STX1A: variants seen among roughly 807,000 people sequenced by gnomAD.
The protein encoded by STX1A is syntaxin 1A.
A neutral mutation model predicts 37.8 loss-of-function variants in STX1A; 4 were observed. The ratio of observed to expected loss-of-function variants is 0.11; its 90% CI spans 0.05 to 0.24. The LOEUF (loss-of-function observed/expected upper bound fraction) is 0.24. Ranked by LOEUF, STX1A falls within the 10% of genes least tolerant of loss-of-function variation. STX1A has a pLI of 1.00. For synonymous variants in STX1A, 135 were observed against 147.4 expected, an observed-to-expected ratio of 0.92 and a Z score of 0.61; for missense variants, 251 against 399.9, an observed-to-expected ratio of 0.63 and a Z score of 3.18.
At chr7:73,704,763 G>C (rs1322650215) in intron 4 of STX1A, 4 of 508,620 alleles carry the variant, frequency 7.9e-6, no homozygotes, top group African/African-American at 1.9e-5. Flanking sequence ...AGAGCCAGGT[G>C]GCCCCTCCTG....
In STX1A at chr7:73,709,219, C is replaced by T; in HGVS notation, c.31-97G>A. On this transcript the variant is annotated intron_variant, in intron 1 of 9. Coordinates refer to ENST00000222812, the MANE Select transcript of STX1A (RefSeq NM_004603.4). This position sits in a 1 kb window ranked among gnomAD's most constrained non-coding sequence, Gnocchi z 4.2. ...TACAGCGCCAGGGCCCTGCCCCTCCCCCTCTCCCTGGGGGCCTCTGGGCAG... is the reference window on the plus strand; with the variant it reads ...TACAGCGCCAGGGCCCTGCCCCTCCTCCTCTCCCTGGGGGCCTCTGGGCAG... 1 of 1,250,524 alleles carries T rather than the reference C, an allele frequency of 8.0e-7. No homozygotes were observed. The highest frequency in any genetic ancestry group is 1.1e-6 in the Non-Finnish European group (1 of 872,654). The allele number at this position is 1,250,524 out of a possible 1,614,324, so 77.5% of individuals were successfully genotyped here.
rs1554615761 is a variant in STX1A at position 73,700,856 on chromosome 7, C to T, written c.679-16G>A. The T allele has an allele frequency of 6.2e-7, 1 of 1,612,078 alleles. No individual in the cohort carries two copies. Among genetic ancestry groups the T allele is most frequent in the South Asian group, 1.1e-5 (1 of 91,074 alleles). ...TCATCTCTCCCTGCGGGGCCGGGGG[C>T]ACCCGAGCTCCAGAGGGCCCCCTCC... On this transcript the variant is annotated splice_polypyrimidine_tract_variant and intron_variant, in intron 8 of 9. Coordinates refer to ENST00000222812, the MANE Select transcript of STX1A (RefSeq NM_004603.4). This position sits in a 1 kb window ranked among gnomAD's most constrained non-coding sequence, Gnocchi z 4.4.
At chr7:73,704,459 C>G in intron 4 of STX1A, 36 bp from the exon 5 acceptor site, 1 of 1,612,458 alleles carries the variant, frequency 6.2e-7, no homozygotes. Context: ...CATAACCAGG[C>G]CCCTTCAACC....
Position 73,700,417 on chromosome 7 carries a change from A to G in STX1A, c.857T>C (p.Ile286Thr), listed in dbSNP as rs782504771. 2.5e-6 allele frequency: 4 copies of G among 1,613,860 alleles called. No homozygotes were observed. Among genetic ancestry groups the G allele is most frequent in the African/African-American group, 2.7e-5 (2 of 74,872 alleles). The change falls in exon 10 of 10, where the codon ATC (isoleucine) becomes ACC (threonine). Residue 286 changes from isoleucine to threonine, a missense_variant. Around this residue, in one of 2 missense-constraint regions of STX1A, gnomAD observed 214 missense variants for 367.6 expected, o/e 0.58. Coordinates refer to ENST00000222812, the MANE Select transcript of STX1A (RefSeq NM_004603.4). The surrounding 1 kb of genome is among the most constrained non-coding windows in gnomAD (Gnocchi z 4.4). ...GIVIASTVGG[I>T]FA ...CAGTTTGGGTGGCTTCTAGGCGAAG[A>G]TGCCCCCAACAGTGGAGGCGATGAC...
chr7:73,712,587 C>G lies in STX1A; in HGVS notation c.31-3465G>C, dbSNP rs531107654. Among the ~76,000 whole-genome samples, 26 of 152,274 alleles carry G rather than the reference C, an allele frequency of 1.7e-4. No individual in the cohort carries two copies. The East Asian group carries it at 4.3e-3, about 25-fold the overall frequency. On this transcript the variant is annotated intron_variant, in intron 1 of 9. Transcript: ENST00000222812. ...ACCTGAAAAGTCCCCCTGGCTTCAG[C>G]TGCCAGCCTCAGCTTGCAAACCTCC... is the stretch of plus-strand genomic sequence containing the variant.
At position 73,706,518 on chromosome 7, in the gene STX1A, AGCCTGGGACTCC is replaced by A. The variant is rs1166139834; in HGVS notation, c.209-1306_209-1295del. On this transcript the variant is annotated intron_variant, in intron 3 of 9. Coordinates refer to ENST00000222812, the MANE Select transcript of STX1A (RefSeq NM_004603.4). The surrounding 1 kb of genome is among the most constrained non-coding windows in gnomAD (Gnocchi z 4.6). ...ACATGAGCCCCCTCCTCTTAGCGAG[AGCCTGGGACTCC>A]GCCAGGTCTCAACTGCTCAGCTCAC... 1.3e-5 allele frequency among the ~76,000 whole-genome samples: 2 copies of A among 151,906 alleles called. No homozygotes were observed. The highest frequency in any genetic ancestry group is 2.9e-5 in the Non-Finnish European group (2 of 67,968).
In STX1A at chr7:73,717,300, C is replaced by T. The variant is rs1241079454; in HGVS notation, c.30+2302G>A. Among the ~76,000 whole-genome samples the T allele has an allele frequency of 6.6e-6, 1 of 152,070 alleles. No homozygotes were observed. Among genetic ancestry groups the T allele is most frequent in the East Asian group, 1.9e-4 (1 of 5,184 alleles). ...GTTCAGCCCAGCCCAGCCCAGCCCGCCCCAGTCCAGCCCAGTCCAGCCCAG... is the reference window on the plus strand; with the variant it reads ...GTTCAGCCCAGCCCAGCCCAGCCCGTCCCAGTCCAGCCCAGTCCAGCCCAG... On this transcript the variant is annotated intron_variant, in intron 1 of 9. Coordinates refer to ENST00000222812, the MANE Select transcript of STX1A (RefSeq NM_004603.4). This position sits in a 1 kb window ranked among gnomAD's most constrained non-coding sequence, Gnocchi z 4.1.
intron 7 of STX1A, 87 bp downstream of exon 7, chr7:73,703,668 A>G (rs1798750909): frequency 2.0e-6 from 3 of 1,487,542 alleles, no homozygotes; most frequent in Middle Eastern, 1.8e-4. Flanking sequence ...TCTGTGTCCA[A>G]ATACTGTCCA....
At chr7:73,708,783 CA>C in intron 2 of STX1A, 95 bp from the exon 3 acceptor site, 5 of 1,365,536 alleles carry the variant, frequency 3.7e-6, no homozygotes, top group Admixed American at 3.9e-5. Context: ...GGTCAGGGCT[CA>C]GGGGGAGGAC....
intron 1 of STX1A, chr7:73,716,490 G>A (rs1231030167): frequency 6.6e-6 from 1 of 152,478 alleles, no homozygotes; most frequent in African/African-American, 2.4e-5. Flanking sequence ...GGGGGCCCCA[G>A]ACACCAGCTG....
rs527529977 is a variant in STX1A, at chr7:73,715,175, G to A, written c.30+4427C>T. ...GTGGTGGCTTACACCTGTAATCCCA[G>A]CACTTTGGGAGGCCGAGGCGGGCAG... is the stretch of plus-strand genomic sequence containing the variant. On this transcript the variant is annotated intron_variant, in intron 1 of 9. Coordinates refer to ENST00000222812, the MANE Select transcript of STX1A (RefSeq NM_004603.4). 8.6e-5 allele frequency among the ~76,000 whole-genome samples: 13 copies of A among 151,312 alleles called. No individual in the cohort carries two copies. In the East Asian group the frequency reaches 2.3e-3, roughly 27 times the overall value.
At position 73,709,065 on chromosome 7, in the gene STX1A, T is replaced by C; in HGVS notation, c.88A>G (p.Met30Val). Residue 30 changes from methionine to valine, a missense_variant, in exon 2 of 10, where the codon ATG becomes GTG. Around this residue, in one of 2 missense-constraint regions of STX1A, gnomAD observed 214 missense variants for 367.6 expected, o/e 0.58. Coordinates refer to ENST00000222812, the MANE Select transcript of STX1A (RefSeq NM_004603.4). The surrounding 1 kb of genome is among the most constrained non-coding windows in gnomAD (Gnocchi z 4.2). ...VAVTVDRDRF[M>V]DEFFEQVEEI... ...CCCACCTGCTCAAAGAACTCATCCA[T>C]GAAGCGGTCTCGGTCCACGGTGACA... 1 of 1,614,066 alleles carries C rather than the reference T, an allele frequency of 6.2e-7. No individual in the cohort carries two copies. The highest frequency in any genetic ancestry group is 8.5e-7 in the Non-Finnish European group (1 of 1,180,000).
intron 1 of STX1A, among the ~76,000 whole-genome samples, chr7:73,718,800 ACTC>A: frequency 6.7e-6 from 1 of 150,210 alleles, no homozygotes; most frequent in South Asian, 2.1e-4. Context: ...GCATCCTCCT[ACTC>A]CCCCCAAACC....
intron 1 of STX1A, among the ~76,000 whole-genome samples, chr7:73,710,682 C>T (rs1004616881): frequency 6.6e-6 from 1 of 152,254 alleles, no homozygotes; most frequent in Non-Finnish European, 1.5e-5. Flanking sequence ...GCCTCGGCCT[C>T]CCAAAGTACT....
chr7:73,718,972 C>A (rs901954453), intron 1 of STX1A, among the ~76,000 whole-genome samples: 6 of 148,654 alleles, frequency 4.0e-5, no homozygotes, highest in South Asian at 4.3e-4. Context: ...CCCCCCCCCC[C>A]ATACCTGGGG....
Position 73,709,198 on chromosome 7 carries a change from GC to G in STX1A, c.31-77del, listed in dbSNP as rs1223414654. ...TACACACGCAGGTGCCCAGGGTACA[GC>G]GCCAGGGCCCTGCCCCTCCCCCTCT... On this transcript the variant is annotated intron_variant, in intron 1 of 9. Transcript: ENST00000222812. This position sits in a 1 kb window ranked among gnomAD's most constrained non-coding sequence, Gnocchi z 4.2. 1 of 1,484,802 alleles carries G rather than the reference GC, an allele frequency of 6.7e-7. No individual in the cohort carries two copies. The highest frequency in any genetic ancestry group is 9.3e-7 in the Non-Finnish European group (1 of 1,077,024). 92.0% of individuals were successfully genotyped at this position (1,484,802 alleles called of 1,614,324 possible).
rs1356874693 is a variant in STX1A, at chr7:73,705,888, G to A, written c.209-664C>T. 3 of 153,054 alleles carry A rather than the reference G, an allele frequency of 2.0e-5. No individual in the cohort carries two copies. The highest frequency in any genetic ancestry group is 7.2e-5 in the African/African-American group (3 of 41,442). 9.5% of individuals were successfully genotyped at this position (153,054 alleles called of 1,614,324 possible). ...GGTAGCTGGGGCCCTGGTGAAATTG[G>A]ACGAGGGTGGTGACATAGTGTTTTG... On this transcript the variant is annotated intron_variant, in intron 3 of 9. Coordinates refer to ENST00000222812, the MANE Select transcript of STX1A (RefSeq NM_004603.4). This position sits in a 1 kb window ranked among gnomAD's most constrained non-coding sequence, Gnocchi z 5.2.
Position 73,700,325 on chromosome 7 carries a change from G to T in STX1A, c.*82C>A. 7.0e-7 allele frequency: 1 copy of T among 1,428,768 alleles called. No individual in the cohort carries two copies. The highest frequency in any genetic ancestry group is 9.8e-7 in the Non-Finnish European group (1 of 1,017,578). The allele number at this position is 1,428,768 out of a possible 1,614,324, so 88.5% of individuals were successfully genotyped here. ...TGCTCTGAGCCAGAGGCGGGGGTTG[G>T]GAGGGCAGCCCAGCCAGGTGGCAGC... On this transcript the variant is annotated 3_prime_UTR_variant, in exon 10 of 10. Coordinates refer to ENST00000222812, the MANE Select transcript of STX1A (RefSeq NM_004603.4). The surrounding 1 kb of genome is among the most constrained non-coding windows in gnomAD (Gnocchi z 4.4).
chr7:73,704,126 C>A, intron 6 of STX1A, 22 bp downstream of exon 6: 2 of 1,588,896 alleles, frequency 1.3e-6, no homozygotes, highest in South Asian at 2.2e-5. Context: ...AGGCCCCGCC[C>A]CAGGCCCCAC....
Sources: allele counts gnomAD v4.1 joint callset (sites outside exome capture counted in the v4.1 genomes callset), GRCh38; gene constraint gnomAD v4.1.1; regional missense constraint gnomAD v4.1.1; non-coding constraint Gnocchi (gnomAD v3.1); transcripts MANE v1.5; gene names NCBI Gene and HGNC (gene_info 2026-07-23, HGNC 2026-07-21).